CLVS2: variants seen among roughly 807,000 people sequenced by gnomAD.
CLVS2 encodes the protein clavesin 2, also known as clavesin-2.
In CLVS2, 19 loss-of-function variants were observed where a neutral mutation model predicts 29.0. That is an observed-to-expected ratio of 0.66 (90% confidence interval 0.46 to 0.96). The LOEUF is 0.96. CLVS2 is among the 40% of genes least tolerant of loss of function. The pLI is 0.00. For missense variants in CLVS2, 294 were observed against 404.1 expected (o/e 0.73, Z 2.34); for synonymous variants, 161 against 151.3 (o/e 1.06, Z -0.47).
At position 123,070,285 on chromosome 6, in the gene CLVS2, C is replaced by T. The variant is rs1772923360; in HGVS notation, c.*6524C>T. On this transcript the variant is annotated 3_prime_UTR_variant, in exon 6 of 6. Coordinates refer to ENST00000275162, the MANE Select transcript of CLVS2 (RefSeq NM_001010852.4). Reference sequence around the variant, plus strand: ...TCACTATGTGTCGACCCCAATCTTCCAGTTTCTAGGAATAAAAATTTTGGA... The same window carrying T: ...TCACTATGTGTCGACCCCAATCTTCTAGTTTCTAGGAATAAAAATTTTGGA... The T allele has an allele frequency of 6.6e-6, 1 of 151,902 alleles. No individual in the cohort carries two copies. The highest frequency in any genetic ancestry group is 2.4e-5 in the African/African-American group (1 of 41,396). 9.4% of individuals were successfully genotyped at this position (151,902 alleles called of 1,614,324 possible).
chr6:123,004,214 A>G (rs1280231215), intron 2 of CLVS2, among the ~76,000 whole-genome samples: 1 of 152,152 alleles, frequency 6.6e-6, no homozygotes, highest in Non-Finnish European at 1.5e-5. Flanking sequence ...ATGTGTTTGT[A>G]TTCTCCCAGC....
chr6:123,005,189 T>G (rs1774649903), intron 2 of CLVS2, among the ~76,000 whole-genome samples: 1 of 152,230 alleles, frequency 6.6e-6, no homozygotes, highest in Non-Finnish European at 1.5e-5. Flanking sequence ...GTTTTGAGAT[T>G]AAGATAATGC....
chr6:123,042,871 T>A (rs1775254004), intron 3 of CLVS2, among the ~76,000 whole-genome samples: 1 of 152,044 alleles, frequency 6.6e-6, no homozygotes, highest in Non-Finnish European at 1.5e-5. Context: ...TAATACAACA[T>A]TCTAAAAAAT....
At chr6:123,010,164 A>G (rs1482983135) in intron 2 of CLVS2, among the ~76,000 whole-genome samples, 4 of 152,004 alleles carry the variant, frequency 2.6e-5, no homozygotes, top group Admixed American at 6.6e-5. Flanking sequence ...GTATAACAAG[A>G]TTGTCTAAAA....
In CLVS2 at chr6:123,065,227, T is replaced by G. The variant is rs959113220; in HGVS notation, c.*1466T>G. 4 of 151,884 alleles carry G rather than the reference T, an allele frequency of 2.6e-5. No homozygotes were observed. The highest frequency in any genetic ancestry group is 9.7e-5 in the African/African-American group (4 of 41,436). The allele number at this position is 151,884 out of a possible 1,614,324, so 9.4% of individuals were successfully genotyped here. ...AATTTTTTAATTTTAAATTTCAATG[T>G]GAAAAAATGATTTTTATCACCCATA... On this transcript the variant is annotated 3_prime_UTR_variant, in exon 6 of 6. Transcript: ENST00000275162.
intron 5 of CLVS2, among the ~76,000 whole-genome samples, chr6:123,059,866 T>C (rs1772749795): frequency 6.6e-6 from 1 of 152,188 alleles, no homozygotes; most frequent in African/African-American, 2.4e-5. Flanking sequence ...CCTACACACT[T>C]TGCTTGTAGC....
intron 5 of CLVS2, among the ~76,000 whole-genome samples, chr6:123,056,959 C>G (rs1417416421): frequency 6.6e-6 from 1 of 152,156 alleles, no homozygotes; most frequent in Non-Finnish European, 1.5e-5. Context: ...TTGACTCTCA[C>G]AGCACTTTTA....
At chr6:123,003,346 G>C (rs992641284) in intron 2 of CLVS2, among the ~76,000 whole-genome samples, 1 of 152,176 alleles carries the variant, frequency 6.6e-6, no homozygotes, top group African/African-American at 2.4e-5. Flanking sequence ...TTTAAAACAT[G>C]AGCCAATAGT....
At position 123,049,807 on chromosome 6, in the gene CLVS2, G is replaced by A. The variant is rs573039481; in HGVS notation, c.675+1075G>A. 2.1e-4 allele frequency among the ~76,000 whole-genome samples: 30 copies of A among 143,398 alleles called. 1 individual carries two copies. The highest frequency in any genetic ancestry group is 8.7e-4 in the Admixed American group (13 of 14,982). 94.1% of individuals were successfully genotyped at this position (143,398 alleles called of 152,430 possible). A position where few individuals can be genotyped will look rare whatever the true frequency, so the allele number is the denominator to read the frequency against. ...CACACCGGGGCCTGTTGTGGGATGGGGGGCGGGGAGGAATAGCATTAGGAG... is the reference window on the plus strand; with the variant it reads ...CACACCGGGGCCTGTTGTGGGATGGAGGGCGGGGAGGAATAGCATTAGGAG... On this transcript the variant is annotated intron_variant, in intron 4 of 5. Coordinates refer to ENST00000275162, the MANE Select transcript of CLVS2 (RefSeq NM_001010852.4).
intron 5 of CLVS2, 123 bp from the exon 6 acceptor site, chr6:123,063,551 A>C (rs1350091701): frequency 1.7e-6 from 1 of 605,496 alleles, no homozygotes; most frequent in Non-Finnish European, 2.9e-6. Flanking sequence ...ACAATTCATA[A>C]ATTTCTTGAT....
intron 2 of CLVS2, among the ~76,000 whole-genome samples, chr6:123,003,939 T>C (rs1363643564): frequency 6.6e-6 from 1 of 152,214 alleles, no homozygotes; most frequent in African/African-American, 2.4e-5. Flanking sequence ...ATACAACTGG[T>C]AAGTGAATTA....
In CLVS2 at chr6:123,066,807, A is replaced by T. The variant is rs1184058791; in HGVS notation, c.*3046A>T. 6.6e-6 allele frequency: 1 copy of T among 151,750 alleles called. No individual in the cohort carries two copies. The highest frequency in any genetic ancestry group is 2.4e-5 in the African/African-American group (1 of 41,406). 9.4% of individuals were successfully genotyped at this position (151,750 alleles called of 1,614,324 possible). ...TCTCTTCCAAAAAGTAAATACGTAA[A>T]TCTATATTATATAGGTGAAATATAG... On this transcript the variant is annotated 3_prime_UTR_variant, in exon 6 of 6. Transcript: ENST00000275162.
chr6:123,026,346 T>A lies in CLVS2; in HGVS notation c.564+15187T>A, dbSNP rs548459308. On this transcript the variant is annotated intron_variant, in intron 3 of 5. Coordinates refer to ENST00000275162, the MANE Select transcript of CLVS2 (RefSeq NM_001010852.4). ...GGAACATAATATTTTCACTCTAAAATCTTTATTTCAAAGAGACATGATATA... is the reference window on the plus strand; with the variant it reads ...GGAACATAATATTTTCACTCTAAAAACTTTATTTCAAAGAGACATGATATA... Among the ~76,000 whole-genome samples the A allele has an allele frequency of 2.0e-5, 3 of 152,284 alleles. No homozygotes were observed. In the South Asian group the frequency reaches 6.2e-4, roughly 32 times the overall value.
At position 123,016,385 on chromosome 6, in the gene CLVS2, T is replaced by C. The variant is rs1172848434; in HGVS notation, c.564+5226T>C. Among the ~76,000 whole-genome samples, 4 of 152,018 alleles carry C rather than the reference T, an allele frequency of 2.6e-5. No individual in the cohort carries two copies. In the East Asian group the frequency reaches 7.8e-4, roughly 30 times the overall value. On this transcript the variant is annotated intron_variant, in intron 3 of 5. Coordinates refer to ENST00000275162, the MANE Select transcript of CLVS2 (RefSeq NM_001010852.4). ...CTGTGTTTTTTTAATAAAATGTCTCTAAAACTCTTTATTAATGAGAAACTT... is the reference window on the plus strand; with the variant it reads ...CTGTGTTTTTTTAATAAAATGTCTCCAAAACTCTTTATTAATGAGAAACTT...
chr6:123,000,860 A>T (rs1343457887), intron 2 of CLVS2, among the ~76,000 whole-genome samples: 1 of 152,228 alleles, frequency 6.6e-6, no homozygotes, highest in Non-Finnish European at 1.5e-5. Context: ...AGTGTGTGAG[A>T]AGTGTAGATG....
intron 2 of CLVS2, among the ~76,000 whole-genome samples, chr6:123,006,943 A>G (rs189331008): frequency 6.6e-6 from 1 of 152,352 alleles, no homozygotes; most frequent in East Asian, 1.9e-4. Flanking sequence ...ATGAAAGATA[A>G]TAGACTGACC....
intron 2 of CLVS2, among the ~76,000 whole-genome samples, chr6:123,002,924 A>G (rs1421082239): frequency 2.0e-5 from 3 of 152,308 alleles, no homozygotes; most frequent in Admixed American, 6.5e-5. Flanking sequence ...TATGTATTCC[A>G]TGGGACTTCT....
intron 3 of CLVS2, among the ~76,000 whole-genome samples, chr6:123,017,457 A>T (rs970723487): frequency 6.6e-6 from 1 of 152,118 alleles, no homozygotes; most frequent in Admixed American, 6.6e-5. Context: ...ATGCAGAGGC[A>T]TTACCACATT....
Position 123,063,776 on chromosome 6 carries a change from C to A in CLVS2, c.*15C>A, listed in dbSNP as rs746501326. 17 of 1,524,142 alleles carry A rather than the reference C, an allele frequency of 1.1e-5. No individual in the cohort carries two copies. Among genetic ancestry groups the A allele is most frequent in the South Asian group, 3.4e-5 (3 of 88,988 alleles). The allele number at this position is 1,524,142 out of a possible 1,614,324, so 94.4% of individuals were successfully genotyped here. A position where few individuals can be genotyped will look rare whatever the true frequency, so the allele number is the denominator to read the frequency against. The stretch of plus-strand genomic sequence containing the variant: ...CTCTGGACTAATAACTTCTCTACAT[C>A]CCCTTCATGGATTAGAAATGGAAAG... On this transcript the variant is annotated 3_prime_UTR_variant, in exon 6 of 6. Coordinates refer to ENST00000275162, the MANE Select transcript of CLVS2 (RefSeq NM_001010852.4).
Sources: allele counts gnomAD v4.1 joint callset (sites outside exome capture counted in the v4.1 genomes callset), GRCh38; gene constraint gnomAD v4.1.1; transcripts MANE v1.5; gene names NCBI Gene and HGNC (gene_info 2026-07-23, HGNC 2026-07-21).